SERTAD2: variants seen among roughly 807,000 people sequenced by gnomAD.
The protein encoded by SERTAD2 is SERTA domain containing 2.
A neutral mutation model predicts 15.4 loss-of-function variants in SERTAD2; 2 were observed. The observed-to-expected ratio is 0.13, with a 90% CI of 0.05 to 0.41. SERTAD2 has a LOEUF of 0.41. SERTAD2 is among the 10% of genes least tolerant of loss of function. SERTAD2 has a pLI of 0.99. For synonymous variants in SERTAD2, 180 were observed against 178.0 expected (o/e 1.01, Z -0.09); for missense variants, 333 against 409.7 (o/e 0.81, Z 1.62).
chr2:64,648,118 A>G (rs1384598123), intron 1 of SERTAD2, among the ~76,000 whole-genome samples: 1 of 152,196 alleles, frequency 6.6e-6, no homozygotes, highest in Non-Finnish European at 1.5e-5. Context: ...ACAATATCAC[A>G]TTTCTACAAC....
At position 64,632,691 on chromosome 2, in the gene SERTAD2, A is replaced by T. The variant is rs1462675979; in HGVS notation, c.*3236T>A. ...AGACCCATATTAGAGAAGAGTAAAA[A>T]TGAATGCGGACTGTGCATACAATGA... On this transcript the variant is annotated 3_prime_UTR_variant, in exon 2 of 2. Coordinates refer to ENST00000313349, the MANE Select transcript of SERTAD2 (RefSeq NM_014755.3). The T allele has an allele frequency of 6.6e-6, 1 of 152,670 alleles. No individual in the cohort carries two copies. The highest frequency in any genetic ancestry group is 6.5e-5 in the Admixed American group (1 of 15,282). 9.5% of individuals were successfully genotyped at this position (152,670 alleles called of 1,614,324 possible).
chr2:64,643,634 C>T (rs1181642934), intron 1 of SERTAD2, among the ~76,000 whole-genome samples: 1 of 152,150 alleles, frequency 6.6e-6, no homozygotes, highest in Non-Finnish European at 1.5e-5. Flanking sequence ...TTTGGAAGGC[C>T]GAGGCGGGTG....
chr2:64,638,347 C>A (rs909001809), intron 1 of SERTAD2, among the ~76,000 whole-genome samples: 3 of 152,248 alleles, frequency 2.0e-5, no homozygotes, highest in African/African-American at 7.2e-5. Flanking sequence ...CACATGAACA[C>A]CCTGGCCTTC....
intron 1 of SERTAD2, among the ~76,000 whole-genome samples, chr2:64,638,120 C>T (rs547069544): frequency 6.6e-6 from 1 of 152,352 alleles, no homozygotes; most frequent in East Asian, 1.9e-4. Context: ...CCAGCTACAG[C>T]ACTCTCAGGG....
chr2:64,643,822 C>G (rs1174792450), intron 1 of SERTAD2, among the ~76,000 whole-genome samples: 1 of 152,142 alleles, frequency 6.6e-6, no homozygotes, highest in Non-Finnish European at 1.5e-5. Flanking sequence ...GCCGAGATCG[C>G]GCCACTGCAC....
rs1260392680 is a variant in SERTAD2 at position 64,635,120 on chromosome 2, G to A, written c.*807C>T. 5 of 152,676 alleles carry A rather than the reference G, an allele frequency of 3.3e-5. No homozygotes were observed. Among genetic ancestry groups the A allele is most frequent in the Admixed American group, 2.6e-4 (4 of 15,286 alleles). 9.5% of individuals were successfully genotyped at this position (152,676 alleles called of 1,614,324 possible). A position where few individuals can be genotyped will look rare whatever the true frequency, so the allele number is the denominator to read the frequency against. ...GGCCCTTTCTTAAAGCACTGTGTGTGTGTTTATGGGTGTGTGCATGTGTGT... is the reference window on the plus strand; with the variant it reads ...GGCCCTTTCTTAAAGCACTGTGTGTATGTTTATGGGTGTGTGCATGTGTGT... On this transcript the variant is annotated 3_prime_UTR_variant, in exon 2 of 2. Coordinates refer to ENST00000313349, the MANE Select transcript of SERTAD2 (RefSeq NM_014755.3).
At chr2:64,650,437 T>C (rs1674985319) in intron 1 of SERTAD2, among the ~76,000 whole-genome samples, 1 of 151,882 alleles carries the variant, frequency 6.6e-6, no homozygotes, top group African/African-American at 2.4e-5. Flanking sequence ...CATATGCCAT[T>C]CACAGATTCA....
rs142386184 is a variant in SERTAD2, at chr2:64,636,377, T to C, written c.495A>G (p.Glu165=). ...CCAAGGCAGAGGAGAAACTGTCCTT[T>C]TCTGGCAAGAGGGCTGGAGGTGACA... ...TKLSPPALLP[E]KDSFSSALDE... is the part of the protein sequence containing the mutation. Residue 165 remains glutamate, a synonymous_variant, in exon 2 of 2, where the codon GAA becomes GAG. Coordinates refer to ENST00000313349, the MANE Select transcript of SERTAD2 (RefSeq NM_014755.3). 48 of 1,614,108 alleles carry C rather than the reference T, an allele frequency of 3.0e-5. No individual in the cohort carries two copies. The African/African-American group carries it at 5.3e-4, about 18-fold the overall frequency.
chr2:64,648,688 T>C (rs1326457371), intron 1 of SERTAD2, among the ~76,000 whole-genome samples: 3 of 152,118 alleles, frequency 2.0e-5, no homozygotes, highest in Non-Finnish European at 4.4e-5. Flanking sequence ...CCTGCCACTC[T>C]ATTCATTCTA....
chr2:64,645,799 C>T (rs1674889290), intron 1 of SERTAD2, among the ~76,000 whole-genome samples: 1 of 152,120 alleles, frequency 6.6e-6, no homozygotes, highest in African/African-American at 2.4e-5. Flanking sequence ...CTTAGTGGTT[C>T]CTCTGCCAGC....
chr2:64,632,980 A>G lies in SERTAD2; in HGVS notation c.*2947T>C, dbSNP rs1674569834. 1 of 152,628 alleles carries G rather than the reference A, an allele frequency of 6.6e-6. No individual in the cohort carries two copies. Among genetic ancestry groups the G allele is most frequent in the African/African-American group, 2.4e-5 (1 of 41,448 alleles). 9.5% of individuals were successfully genotyped at this position (152,628 alleles called of 1,614,324 possible). On this transcript the variant is annotated 3_prime_UTR_variant, in exon 2 of 2. Transcript: ENST00000313349. ...TCAATAACTGTCCTCTCCCAGCCCC[A>G]GCTCGGTTTTCTCGTAAAGGCACCT...
intron 1 of SERTAD2, among the ~76,000 whole-genome samples, chr2:64,644,377 T>C (rs1245433869): frequency 1.3e-5 from 2 of 152,232 alleles, no homozygotes; most frequent in African/African-American, 2.4e-5. Flanking sequence ...CCAGTGCGTT[T>C]AGGACCCTGC....
intron 1 of SERTAD2, among the ~76,000 whole-genome samples, chr2:64,651,613 A>C (rs116438870): frequency 0.017 from 2,628 of 152,306 alleles, 78 homozygotes; most frequent in African/African-American, 0.06. Flanking sequence ...AACTGGGCAA[A>C]ATTCATATTT....
chr2:64,648,657 TCCCCAGCCTGCCAC>T (rs775734023), intron 1 of SERTAD2, among the ~76,000 whole-genome samples: 56 of 151,950 alleles, frequency 3.7e-4, no homozygotes, highest in Non-Finnish European at 5.7e-4. Flanking sequence ...TTCCTCAACC[TCCCCAGCCTGCCAC>T]CCCCAGCCTG....
At chr2:64,640,927 CAT>C (rs1273231665) in intron 1 of SERTAD2, among the ~76,000 whole-genome samples, 1 of 152,208 alleles carries the variant, frequency 6.6e-6, no homozygotes. Flanking sequence ...ACTGAATAGT[CAT>C]TGGCTCTTAA....
intron 1 of SERTAD2, among the ~76,000 whole-genome samples, chr2:64,643,539 G>C (rs1674822107): frequency 6.6e-6 from 1 of 152,202 alleles, no homozygotes; most frequent in South Asian, 2.1e-4. Context: ...CAGCTCTCAG[G>C]AAAAAGGCTC....
intron 1 of SERTAD2, among the ~76,000 whole-genome samples, chr2:64,640,088 C>T (rs950244275): frequency 6.6e-6 from 1 of 152,208 alleles, no homozygotes; most frequent in African/African-American, 2.4e-5. Flanking sequence ...TGACTCCACA[C>T]ACCCAGTAAG....
chr2:64,649,949 G>C (rs1399822853), intron 1 of SERTAD2, among the ~76,000 whole-genome samples: 4 of 152,242 alleles, frequency 2.6e-5, no homozygotes, highest in African/African-American at 7.2e-5. Flanking sequence ...GCAAGTGTAA[G>C]AATAGGCCGG....
chr2:64,651,440 G>A (rs1171647999), intron 1 of SERTAD2, among the ~76,000 whole-genome samples: 5 of 152,148 alleles, frequency 3.3e-5, no homozygotes, highest in Non-Finnish European at 5.9e-5. Flanking sequence ...GCATGTGTGT[G>A]CCTTTCTAAA....
Sources: gnomAD v4.1 joint callset for allele counts (sites outside exome capture counted in the v4.1 genomes callset) on GRCh38, gnomAD v4.1.1 for gene constraint, MANE v1.5 for transcripts, NCBI Gene and HGNC (gene_info 2026-07-23, HGNC 2026-07-21) for gene names.